USP43: variants seen among roughly 807,000 people sequenced by gnomAD.
USP43 encodes the protein ubiquitin specific peptidase 43, also known as ubiquitin carboxyl-terminal hydrolase 43.
USP43 carries 33 observed loss-of-function variants against 90.7 expected under a neutral mutation model. That is an observed-to-expected ratio of 0.36 (90% CI 0.28 to 0.49). The LOEUF (loss-of-function observed/expected upper bound fraction) is 0.49. Among genes scored for constraint, USP43 ranks in the 20% least tolerant of loss-of-function variants. The probability of loss-of-function intolerance (pLI) is 0.98; values close to 1 mark genes in which losing one functional copy is unlikely to be tolerated. For missense variants in USP43, 1,274 were observed against 1,476.4 expected (o/e 0.86, Z 2.25); for synonymous variants, 598 against 615.8 (o/e 0.97, Z 0.43).
In USP43 at chr17:9,729,133, G is replaced by C. The variant is rs146135614; in HGVS notation, c.*143G>C. ...AAATTTTTTTTTTTTTGTGGTGGGG[G>C]GTCTCCATATCTAGACTTCCAACAC... On this transcript the variant is annotated 3_prime_UTR_variant, in exon 15 of 15. Coordinates refer to ENST00000285199, the MANE Select transcript of USP43 (RefSeq NM_153210.5). The C allele has an allele frequency of 0.03, 20,630 of 691,846 alleles. 408 individuals carry two copies. Among genetic ancestry groups the C allele is most frequent in the Non-Finnish European group, 0.037 (17,600 of 470,502 alleles). 42.9% of individuals were successfully genotyped at this position (691,846 alleles called of 1,614,324 possible). A position where few individuals can be genotyped will look rare whatever the true frequency, so the allele number is the denominator to read the frequency against.
At chr17:9,710,536 CGCTCTGTCACCAG>C (rs935795429) in intron 13 of USP43, among the ~76,000 whole-genome samples, 8 of 121,466 alleles carry the variant, frequency 6.6e-5, no homozygotes, top group African/African-American at 2.7e-4. Flanking sequence ...GATGGAGTCT[CGCTCTGTCACCAG>C]GCTGGAGTGC....
chr17:9,728,901 G>T lies in USP43; in HGVS notation c.3283G>T (p.Glu1095Ter), dbSNP rs764301057. 2.5e-6 allele frequency: 4 copies of T among 1,613,226 alleles called. No individual in the cohort carries two copies. In the South Asian group the frequency reaches 3.3e-5, roughly 13 times the overall value. ...LGMSQRTVPG[E>*]QASYGTFQRV... ...CATGTCACAAAGGACTGTTCCAGGG[G>T]AGCAGGCTTCTTATGGCACCTTTCA... The change falls in exon 15 of 15, where the codon GAG (glutamate) becomes TAG (stop). Residue 1095 changes from glutamate to a stop codon, truncating the protein, a stop_gained. Transcript: ENST00000285199. LOFTEE classifies it high-confidence loss of function. The surrounding 1 kb of genome is among the most constrained non-coding windows in gnomAD (Gnocchi z 6.2).
rs983766774 is a variant in USP43, at chr17:9,674,277, T to C, written c.741-614T>C. On this transcript the variant is annotated intron_variant, in intron 3 of 14. Transcript: ENST00000285199. This position sits in a 1 kb window ranked among gnomAD's most constrained non-coding sequence, Gnocchi z 4.4. ...CTTTTCCCTTTTAAAAAAACGGAGG[T>C]GAAAGTCCTGTAACATAAAGTTAAG... is the stretch of plus-strand genomic sequence containing the variant. Among the ~76,000 whole-genome samples, 14 of 152,022 alleles carry C rather than the reference T, an allele frequency of 9.2e-5. No individual in the cohort carries two copies. The highest frequency in any genetic ancestry group is 8.5e-4 in the Admixed American group (13 of 15,252).
At position 9,707,059 on chromosome 17, in the gene USP43, T is replaced by C. The variant is rs1430657305; in HGVS notation, c.2012-2897T>C. ...TACATAAATGCTATCATACCATAGA[T>C]GTATTTTTTGTTTTTAGTGGATTTT... On this transcript the variant is annotated intron_variant, in intron 12 of 14. Coordinates refer to ENST00000285199, the MANE Select transcript of USP43 (RefSeq NM_153210.5). 2.6e-5 allele frequency among the ~76,000 whole-genome samples: 4 copies of C among 152,176 alleles called. No individual in the cohort carries two copies. In the East Asian group the frequency reaches 7.7e-4, roughly 29 times the overall value.
At chr17:9,681,462 TTATATATA>T (rs1184883523) in intron 6 of USP43, among the ~76,000 whole-genome samples, 42 of 18,572 alleles carry the variant, frequency 2.3e-3, no homozygotes, top group Admixed American at 5.5e-3. Flanking sequence ...ATAAAATATA[TTATATATA>T]TATATATATA....
At chr17:9,708,627 G>T (rs912207729) in intron 12 of USP43, among the ~76,000 whole-genome samples, 3 of 151,986 alleles carry the variant, frequency 2.0e-5, no homozygotes, top group South Asian at 2.1e-4. Context: ...CCTGTTTTTT[G>T]TTGTTGTTGT....
chr17:9,691,175 C>T (rs193259072), intron 8 of USP43, among the ~76,000 whole-genome samples: 6 of 149,918 alleles, frequency 4.0e-5, no homozygotes, highest in Non-Finnish European at 7.4e-5. Flanking sequence ...AGTGCAATGG[C>T]GTGATCTCAG....
chr17:9,700,246 A>G lies in USP43; in HGVS notation c.1532A>G (p.Glu511Gly), dbSNP rs1567672006. 6.3e-7 allele frequency: 1 copy of G among 1,595,908 alleles called. No individual in the cohort carries two copies. Among genetic ancestry groups the G allele is most frequent in the Non-Finnish European group, 8.5e-7 (1 of 1,171,434 alleles). The change falls in exon 10 of 15, where the codon GAG becomes GGG. Residue 511 changes from glutamate (E) to glycine (G), a missense_variant. Coordinates refer to ENST00000285199, the MANE Select transcript of USP43 (RefSeq NM_153210.5). Reference sequence around the variant, plus strand: ...GTGGAGTGGGATAGCTCTGTCAAGGAGCGGTGAGTTCAAGGGAATTTGCCA... The same window carrying G: ...GTGGAGTGGGATAGCTCTGTCAAGGGGCGGTGAGTTCAAGGGAATTTGCCA... ...LAVEWDSSVK[E>G]RLFGSLQEER... is the part of the protein sequence containing the mutation.
rs1913615510 is a variant in USP43 at position 9,674,131 on chromosome 17, G to C, written c.741-760G>C. ...TGGGGCACAGTGAGGCTGAGAAGCAGGGGAAGAGATGGTCCTGAGATCCCT... is the reference window on the plus strand; with the variant it reads ...TGGGGCACAGTGAGGCTGAGAAGCACGGGAAGAGATGGTCCTGAGATCCCT... On this transcript the variant is annotated intron_variant, in intron 3 of 14. Coordinates refer to ENST00000285199, the MANE Select transcript of USP43 (RefSeq NM_153210.5). The surrounding 1 kb of genome is among the most constrained non-coding windows in gnomAD (Gnocchi z 4.4). 6.6e-6 allele frequency among the ~76,000 whole-genome samples: 1 copy of C among 152,138 alleles called. No individual in the cohort carries two copies. Among genetic ancestry groups the C allele is most frequent in the Non-Finnish European group, 1.5e-5 (1 of 68,038 alleles).
chr17:9,706,413 G>A (rs888942021), intron 12 of USP43, among the ~76,000 whole-genome samples: 5 of 152,042 alleles, frequency 3.3e-5, no homozygotes, highest in Non-Finnish European at 5.9e-5. Context: ...GTCATGATTA[G>A]AAAGCCTTTT....
chr17:9,700,673 C>T (rs184391745), intron 10 of USP43, among the ~76,000 whole-genome samples: 3 of 152,284 alleles, frequency 2.0e-5, no homozygotes, highest in Admixed American at 1.3e-4. Context: ...AGAGGGTAAG[C>T]AGTTGCTGGA....
intron 3 of USP43, among the ~76,000 whole-genome samples, chr17:9,673,749 T>G (rs1399049483): frequency 6.6e-6 from 1 of 152,218 alleles, no homozygotes; most frequent in East Asian, 1.9e-4. Flanking sequence ...ACTTAACCTC[T>G]GTGTGCTTCA....
At position 9,728,831 on chromosome 17, in the gene USP43, C is replaced by T. The variant is rs1475445216; in HGVS notation, c.3213C>T (p.Arg1071=). The change falls in exon 15 of 15, where the codon CGC becomes CGT. Residue 1071 remains arginine, a synonymous_variant. Transcript: ENST00000285199. The surrounding 1 kb of genome is among the most constrained non-coding windows in gnomAD (Gnocchi z 6.2). ...TCTGGTCAGCCCCCAGCTCTCTCCG[C>T]CTCCCTCGTAAAGCCAGCAGGGCCC... ...RDVWSAPSSL[R]LPRKASRAPR... is the part of the protein sequence containing the mutation. The T allele has an allele frequency of 3.1e-6, 5 of 1,613,864 alleles. No individual in the cohort carries two copies. Among genetic ancestry groups the T allele is most frequent in the Non-Finnish European group, 4.2e-6 (5 of 1,179,856 alleles).
At chr17:9,692,571 C>A (rs139764043) in intron 8 of USP43, among the ~76,000 whole-genome samples, 1 of 152,026 alleles carries the variant, frequency 6.6e-6, no homozygotes, top group East Asian at 1.9e-4. Context: ...AGGCATCTTC[C>A]GTTAAATATG....
At chr17:9,705,730 G>T (rs1915832859) in intron 12 of USP43, among the ~76,000 whole-genome samples, 1 of 151,558 alleles carries the variant, frequency 6.6e-6, no homozygotes, top group Admixed American at 6.6e-5. Flanking sequence ...CTCCAGCCTG[G>T]GTGAGAGAGT....
At chr17:9,724,499 G>A (rs543509402) in intron 14 of USP43, among the ~76,000 whole-genome samples, 21 of 152,118 alleles carry the variant, frequency 1.4e-4, no homozygotes, top group South Asian at 1.0e-3. Flanking sequence ...GGCCAACGTG[G>A]TGAAACCCAG....
intron 14 of USP43, among the ~76,000 whole-genome samples, chr17:9,722,118 C>T (rs544127822): frequency 2.6e-5 from 4 of 152,180 alleles, no homozygotes; most frequent in Admixed American, 6.5e-5. Flanking sequence ...TAGGTGTCTA[C>T]GGGTTTATGA....
rs557716095 is a variant in USP43 at position 9,653,135 on chromosome 17, A to G, written c.505-3268A>G. Among the ~76,000 whole-genome samples the G allele has an allele frequency of 3.3e-5, 5 of 152,308 alleles. No homozygotes were observed. The South Asian group carries it at 1.0e-3, about 32-fold the overall frequency. On this transcript the variant is annotated intron_variant, in intron 1 of 14. Coordinates refer to ENST00000285199, the MANE Select transcript of USP43 (RefSeq NM_153210.5). ...GGAATTGCTGTTTATGGAGAGGGACATTTTTAAGGCCCTATCTTGTCTTGC... is the reference window on the plus strand; with the variant it reads ...GGAATTGCTGTTTATGGAGAGGGACGTTTTTAAGGCCCTATCTTGTCTTGC...
rs1435779649 is a variant in USP43 at position 9,656,397 on chromosome 17, T to C, written c.505-6T>C. On this transcript the variant is annotated splice_region_variant and splice_polypyrimidine_tract_variant and intron_variant, in intron 1 of 14. Transcript: ENST00000285199. Reference sequence around the variant, plus strand: ...TTCACCTCTCGATTTCCTTTTTTCCTTTCAGAATGCAGTTTCCAAGTACGG... The same window carrying C: ...TTCACCTCTCGATTTCCTTTTTTCCCTTCAGAATGCAGTTTCCAAGTACGG... 2 of 1,609,924 alleles carry C rather than the reference T, an allele frequency of 1.2e-6. No homozygotes were observed. The highest frequency in any genetic ancestry group is 1.3e-5 in the African/African-American group (1 of 74,964).
Sources: gnomAD v4.1 joint callset for allele counts (sites outside exome capture counted in the v4.1 genomes callset) on GRCh38, gnomAD v4.1.1 for gene constraint, Gnocchi (gnomAD v3.1) non-coding constraint, MANE v1.5 for transcripts, NCBI Gene and HGNC (gene_info 2026-07-23, HGNC 2026-07-21) for gene names.